Variants in MYMK observed in about 807,000 individuals in gnomAD.
MYMK encodes protein myomaker.
MYMK carries 16 observed loss-of-function variants against 22.4 expected under a neutral mutation model. That is an observed-to-expected ratio of 0.72 (90% CI 0.48 to 1.09). The LOEUF is 1.09. MYMK is among the 50% of genes least tolerant of loss of function. The probability of loss-of-function intolerance (pLI) is 0.00; values close to 1 mark genes in which losing one functional copy is unlikely to be tolerated. For missense variants in MYMK, 250 were observed against 295.6 expected (o/e 0.85, Z 1.13); for synonymous variants, 125 against 127.0 (o/e 0.98, Z 0.11).
chr9:133,519,629 A>T lies in MYMK; in HGVS notation c.250+545T>A, dbSNP rs141548271. ...TCCCATAGGATCACAGGACAAAGAC[A>T]CTAAGATTCAAGAGAAGAAATGAAG... On this transcript the variant is annotated intron_variant, in intron 2 of 4. Transcript: ENST00000339996. Among the ~76,000 whole-genome samples, 590 of 152,310 alleles carry T rather than the reference A, an allele frequency of 3.9e-3. 4 individuals carry two copies. The highest frequency in any genetic ancestry group is 0.013 in the African/African-American group (558 of 41,566).
intron 3 of MYMK, among the ~76,000 whole-genome samples, chr9:133,518,363 G>T (rs1455309694): frequency 2.0e-5 from 3 of 152,196 alleles, no homozygotes; most frequent in African/African-American, 7.2e-5. Context: ...CTCCCTCCTG[G>T]CTAGAACCAA....
intron 1 of MYMK, among the ~76,000 whole-genome samples, chr9:133,520,789 G>T (rs1283298038): frequency 6.6e-6 from 1 of 152,178 alleles, no homozygotes; most frequent in Non-Finnish European, 1.5e-5. Flanking sequence ...GCCTTCTCTT[G>T]CACAAATTAC....
intron 1 of MYMK, among the ~76,000 whole-genome samples, chr9:133,523,670 A>G (rs557258685): frequency 9.6e-5 from 14 of 146,198 alleles, no homozygotes; most frequent in African/African-American, 3.3e-4. Context: ...ATGCGTAGAT[A>G]GAGAGATAGA....
chr9:133,521,816 C>A (rs1844706109), intron 1 of MYMK, among the ~76,000 whole-genome samples: 1 of 152,228 alleles, frequency 6.6e-6, no homozygotes, highest in South Asian at 2.1e-4. Context: ...ATCCCCCACC[C>A]CAGCCCCATC....
At position 133,520,168 on chromosome 9, in the gene MYMK, A is replaced by C. The variant is rs1588266103; in HGVS notation, c.250+6T>G. On this transcript the variant is annotated splice_donor_region_variant and intron_variant, in intron 2 of 4. Coordinates refer to ENST00000339996, the MANE Select transcript of MYMK (RefSeq NM_001080483.3). ...CAAGGCTTGTCTGCAGGGGTTGACC[A>C]CTCACCCATCAGCGAGACCCACATG... is the stretch of plus-strand genomic sequence containing the variant. 2 of 1,609,654 alleles carry C rather than the reference A, an allele frequency of 1.2e-6. No homozygotes were observed. Among genetic ancestry groups the C allele is most frequent in the Non-Finnish European group, 1.7e-6 (2 of 1,176,150 alleles).
chr9:133,514,625 T>C lies in MYMK; in HGVS notation c.*11A>G. ...GGAGGGCAGGGGCTCAGAGCCGGGC[T>C]GGGCGCAGCATCAGACACAAGCACA... is the stretch of plus-strand genomic sequence containing the variant. On this transcript the variant is annotated 3_prime_UTR_variant, in exon 5 of 5. Transcript: ENST00000339996. 6.2e-7 allele frequency: 1 copy of C among 1,611,606 alleles called. No homozygotes were observed. Among genetic ancestry groups the C allele is most frequent in the South Asian group, 1.1e-5 (1 of 90,886 alleles).
chr9:133,514,748 C>A lies in MYMK; in HGVS notation c.554G>T (p.Cys185Phe). 6.2e-7 allele frequency: 1 copy of A among 1,614,066 alleles called. No individual in the cohort carries two copies. Among genetic ancestry groups the A allele is most frequent in the Non-Finnish European group, 8.5e-7 (1 of 1,179,936 alleles). The change falls in exon 5 of 5, where the codon TGT (cysteine) becomes TTT (phenylalanine). Residue 185 changes from cysteine (C) to phenylalanine (F), a missense_variant. Physicochemically the swap from Cys to Phe is radical, Grantham distance 205. Transcript: ENST00000339996. ...DYTYVHSFYHCALAMSFVLLL... is the reference protein window; with the variant it reads ...DYTYVHSFYHFALAMSFVLLL... Reference sequence around the variant, plus strand: ...CAGAACAAAGGACATAGCCAGGGCACAGTGGTAGAAGCTGTGGACATAAGT... The same window carrying A: ...CAGAACAAAGGACATAGCCAGGGCAAAGTGGTAGAAGCTGTGGACATAAGT...
At chr9:133,520,920 G>T (rs967762433) in intron 1 of MYMK, among the ~76,000 whole-genome samples, 3 of 152,176 alleles carry the variant, frequency 2.0e-5, no homozygotes, top group African/African-American at 7.2e-5. Flanking sequence ...ATTAGGGAGG[G>T]CTGGGTTGGG....
At chr9:133,521,387 G>A (rs1219271744) in intron 1 of MYMK, among the ~76,000 whole-genome samples, 1 of 152,198 alleles carries the variant, frequency 6.6e-6, no homozygotes, top group African/African-American at 2.4e-5. Flanking sequence ...GTGTCTGGAG[G>A]CGACAGGGAC....
At chr9:133,522,715 C>A (rs140404516) in intron 1 of MYMK, among the ~76,000 whole-genome samples, 65 of 152,172 alleles carry the variant, frequency 4.3e-4, no homozygotes, top group Non-Finnish European at 1.6e-4. Context: ...TTTCTCCCTG[C>A]GCTAAGGCCA....
In MYMK at chr9:133,515,487, G is replaced by T. The variant is rs1044975691; in HGVS notation, c.516+4C>A. On this transcript the variant is annotated splice_donor_region_variant and intron_variant, in intron 4 of 4. Coordinates refer to ENST00000339996, the MANE Select transcript of MYMK (RefSeq NM_001080483.3). The surrounding 1 kb of genome is among the most constrained non-coding windows in gnomAD (Gnocchi z 5.8). Reference sequence around the variant, plus strand: ...ACAGGACACCTCCCCGCTGGGCTTGGTACCTCAAAGAAGAAGCGTAGCATC... The same window carrying T: ...ACAGGACACCTCCCCGCTGGGCTTGTTACCTCAAAGAAGAAGCGTAGCATC... 1.2e-6 allele frequency: 2 copies of T among 1,600,374 alleles called. No individual in the cohort carries two copies. Among genetic ancestry groups the T allele is most frequent in the Non-Finnish European group, 8.6e-7 (1 of 1,167,766 alleles).
In MYMK at chr9:133,515,666, C is replaced by T; in HGVS notation, c.400-59G>A. ...GGTCACAGCACTGGGGAACGCCCCTCCCCAAACCAGCCCGAGAGCTGGCCC... is the reference window on the plus strand; with the variant it reads ...GGTCACAGCACTGGGGAACGCCCCTTCCCAAACCAGCCCGAGAGCTGGCCC... On this transcript the variant is annotated intron_variant, in intron 3 of 4. Transcript: ENST00000339996. This position sits in a 1 kb window ranked among gnomAD's most constrained non-coding sequence, Gnocchi z 5.8. 4 of 1,187,892 alleles carry T rather than the reference C, an allele frequency of 3.4e-6. No homozygotes were observed. The South Asian group carries it at 4.9e-5, about 15-fold the overall frequency. 73.6% of individuals were successfully genotyped at this position (1,187,892 alleles called of 1,614,324 possible). A position where few individuals can be genotyped will look rare whatever the true frequency, so the allele number is the denominator to read the frequency against.
chr9:133,516,463 T>C (rs1467222086), intron 3 of MYMK, among the ~76,000 whole-genome samples: 1 of 152,126 alleles, frequency 6.6e-6, no homozygotes, highest in African/African-American at 2.4e-5. Context: ...GAATCAACTG[T>C]TAGACACACA....
chr9:133,523,586 C>T (rs1564485956), intron 1 of MYMK, among the ~76,000 whole-genome samples: 1 of 151,752 alleles, frequency 6.6e-6, no homozygotes, highest in African/African-American at 2.4e-5. Flanking sequence ...GGCAAGAAGG[C>T]AGGGGGTACC....
At position 133,515,680 on chromosome 9, in the gene MYMK, G is replaced by T; in HGVS notation, c.400-73C>A. ...GGAACGCCCCTCCCCAAACCAGCCC[G>T]AGAGCTGGCCCTGCACAGGCTCACC... On this transcript the variant is annotated intron_variant, in intron 3 of 4. Coordinates refer to ENST00000339996, the MANE Select transcript of MYMK (RefSeq NM_001080483.3). The surrounding 1 kb of genome is among the most constrained non-coding windows in gnomAD (Gnocchi z 5.8). 3 of 1,010,578 alleles carry T rather than the reference G, an allele frequency of 3.0e-6. No homozygotes were observed. Among genetic ancestry groups the T allele is most frequent in the Non-Finnish European group, 4.7e-6 (3 of 641,692 alleles). The allele number at this position is 1,010,578 out of a possible 1,614,324, so 62.6% of individuals were successfully genotyped here.
chr9:133,514,861 C>G, intron 4 of MYMK, 76 bp from the exon 5 acceptor site: 1 of 1,465,248 alleles, frequency 6.8e-7, no homozygotes, highest in South Asian at 1.3e-5. Context: ...CCCAGCAGAG[C>G]CCCTTCAGGC....
At chr9:133,516,851 C>T (rs1281440364) in intron 3 of MYMK, among the ~76,000 whole-genome samples, 1 of 152,192 alleles carries the variant, frequency 6.6e-6, no homozygotes, top group African/African-American at 2.4e-5. Flanking sequence ...CCTTCTTCCT[C>T]CCGGGCTGCC....
intron 1 of MYMK, among the ~76,000 whole-genome samples, chr9:133,522,343 C>CAG (rs535856761): frequency 7.1e-6 from 1 of 140,086 alleles, no homozygotes; most frequent in East Asian, 2.1e-4. Context: ...GAGTGGCTGT[C>CAG]GGGGGGGGGC....
chr9:133,524,606 C>G, intron 1 of MYMK, 104 bp downstream of exon 1: 2 of 1,555,266 alleles, frequency 1.3e-6, no homozygotes, highest in Non-Finnish European at 1.8e-6. Flanking sequence ...ATTTTCAAAT[C>G]ACTTCTGCTC....
Sources: allele counts gnomAD v4.1 joint callset (sites outside exome capture counted in the v4.1 genomes callset), GRCh38; gene constraint gnomAD v4.1.1; non-coding constraint Gnocchi (gnomAD v3.1); transcripts MANE v1.5; gene names NCBI Gene and HGNC (gene_info 2026-07-23, HGNC 2026-07-21).